ERC2: variants seen among roughly 807,000 people sequenced by gnomAD.
ERC2 encodes ELKS/RAB6-interacting/CAST family member 2.
Under a neutral mutation model 114.8 loss-of-function variants are expected in ERC2, and 42 were observed. That is an observed-to-expected ratio of 0.37 (90% CI 0.29 to 0.47). The LOEUF (loss-of-function observed/expected upper bound fraction) is 0.47, where lower values mean the gene tolerates loss of function less well. Ranked by LOEUF, ERC2 falls within the 20% of genes least tolerant of loss-of-function variation. The pLI is 0.99. For synonymous variants in ERC2, 454 were observed against 425.5 expected (o/e 1.07, Z -0.82); for missense variants, 939 against 1,150.7 (o/e 0.82, Z 2.66).
At chr3:56,320,530 C>T (rs1576421145) in intron 2 of ERC2, among the ~76,000 whole-genome samples, 1 of 152,142 alleles carries the variant, frequency 6.6e-6, no homozygotes, top group East Asian at 1.9e-4. Context: ...AAATTGAAAT[C>T]AGCCATAGTG....
chr3:56,199,742 C>T (rs1218515389), intron 3 of ERC2, among the ~76,000 whole-genome samples: 4 of 152,108 alleles, frequency 2.6e-5, no homozygotes, highest in Non-Finnish European at 5.9e-5. Flanking sequence ...CCCCTGGGCT[C>T]AAGTAATCCT....
At chr3:55,852,350 T>C (rs966868492) in intron 14 of ERC2, 1 of 154,458 alleles carries the variant, frequency 6.5e-6, no homozygotes, top group East Asian at 1.9e-4. Flanking sequence ...TTTTTATATG[T>C]AATACAAATC....
At chr3:55,586,625 A>G (rs574843626) in intron 17 of ERC2, among the ~76,000 whole-genome samples, 1 of 152,250 alleles carries the variant, frequency 6.6e-6, no homozygotes, top group Non-Finnish European at 1.5e-5. Context: ...CTAATGATCC[A>G]AACATTTTCA....
rs540554574 is a variant in ERC2, at chr3:55,643,632, A to G, written c.*39+40162T>C. Reference sequence around the variant, plus strand: ...GGTTATCATGAAGATTAAATGAGTTAATGCACATAAAACATTCAATAGAGT... The same window carrying G: ...GGTTATCATGAAGATTAAATGAGTTGATGCACATAAAACATTCAATAGAGT... On this transcript the variant is annotated intron_variant, in intron 17 of 17. Transcript: ENST00000288221. Among the ~76,000 whole-genome samples the G allele has an allele frequency of 1.7e-4, 26 of 152,342 alleles. 1 individual carries two copies. In the South Asian group the frequency reaches 5.0e-3, roughly 29 times the overall value.
At chr3:56,090,840 A>G (rs1010178475) in intron 6 of ERC2, among the ~76,000 whole-genome samples, 1 of 151,614 alleles carries the variant, frequency 6.6e-6, no homozygotes, top group Non-Finnish European at 1.5e-5. Flanking sequence ...GTAGACCTAG[A>G]AAAAAAACTG....
chr3:56,316,958 C>T (rs1030383923), intron 2 of ERC2, among the ~76,000 whole-genome samples: 1 of 152,188 alleles, frequency 6.6e-6, no homozygotes, highest in Non-Finnish European at 1.5e-5. Context: ...GACATTCACT[C>T]AACTCACTTT....
rs375893494 is a variant in ERC2, at chr3:56,240,141, ATCCTGTGCT to A, written c.1074+55869_1074+55877del. Among the ~76,000 whole-genome samples, 199 of 152,340 alleles carry A rather than the reference ATCCTGTGCT, an allele frequency of 1.3e-3. No individual in the cohort carries two copies. The East Asian group carries it at 0.019, about 15-fold the overall frequency. On this transcript the variant is annotated intron_variant, in intron 3 of 17. Transcript: ENST00000288221. ...CACATATTCTAACACCTGTTCTTAAATCCTGTGCTTCTAACAAAGGGAAAGTTATAAGTA... is the reference window on the plus strand; with the variant it reads ...CACATATTCTAACACCTGTTCTTAAATCTAACAAAGGGAAAGTTATAAGTA...
At chr3:55,857,395 AT>A (rs915260408) in intron 14 of ERC2, among the ~76,000 whole-genome samples, 14 of 151,812 alleles carry the variant, frequency 9.2e-5, no homozygotes, top group African/African-American at 3.1e-4. Context: ...TCCCTGTATC[AT>A]TTTTTTTAAT....
chr3:56,111,145 G>C (rs73091213), intron 6 of ERC2, among the ~76,000 whole-genome samples: 25,291 of 152,002 alleles, frequency 0.17, 2,268 homozygotes, highest in African/African-American at 0.21. Context: ...CCCTGAGGCT[G>C]TGTTCTATGA....
intron 3 of ERC2, 43 bp downstream of exon 3, chr3:56,295,976 C>T (rs776314434): frequency 6.6e-6 from 10 of 1,509,940 alleles, no homozygotes; most frequent in Non-Finnish European, 8.0e-6. Flanking sequence ...CATATTTTCA[C>T]TTATAAATTA....
chr3:55,618,517 T>C (rs1240670278), intron 17 of ERC2, among the ~76,000 whole-genome samples: 2 of 152,226 alleles, frequency 1.3e-5, no homozygotes, highest in East Asian at 1.9e-4. Flanking sequence ...TCCGTTACTA[T>C]AAAAATGATT....
At chr3:56,075,040 C>G (rs750378432) in intron 7 of ERC2, among the ~76,000 whole-genome samples, 4 of 152,150 alleles carry the variant, frequency 2.6e-5, no homozygotes, top group Non-Finnish European at 4.4e-5. Flanking sequence ...GAGAGGAAAG[C>G]CAACATTCAC....
rs756435726 is a variant in ERC2 at position 56,434,338 on chromosome 3, A to G, written c.657+13T>C. ...GCCAAGGCTGAAAAATACTGAGATG[A>G]GTCATGACCTACCTGATTTTCTTCA... On this transcript the variant is annotated intron_variant, in intron 2 of 17. Coordinates refer to ENST00000288221, the MANE Select transcript of ERC2 (RefSeq NM_015576.3). 24 of 1,607,850 alleles carry G rather than the reference A, an allele frequency of 1.5e-5. No homozygotes were observed. The highest frequency in any genetic ancestry group is 1.7e-4 in the Middle Eastern group (1 of 6,058).
At chr3:55,760,542 A>T (rs968411125) in intron 14 of ERC2, among the ~76,000 whole-genome samples, 1 of 152,204 alleles carries the variant, frequency 6.6e-6, no homozygotes, top group African/African-American at 2.4e-5. Flanking sequence ...TCACATATAC[A>T]TTGGTGAGAA....
intron 13 of ERC2, among the ~76,000 whole-genome samples, chr3:55,901,480 G>A (rs1195598312): frequency 6.6e-6 from 1 of 152,152 alleles, no homozygotes; most frequent in African/African-American, 2.4e-5. Context: ...ACCTTGTCAT[G>A]TCCAGCTCAT....
chr3:55,657,763 G>A (rs538177385), intron 17 of ERC2: 1 of 152,246 alleles, frequency 6.6e-6, no homozygotes, highest in East Asian at 1.9e-4. Context: ...CCCACCCCTG[G>A]ATGTATTTCT....
At chr3:56,365,657 T>A (rs4974207) in intron 2 of ERC2, among the ~76,000 whole-genome samples, 144,851 of 152,340 alleles carry the variant, frequency 0.95, 68,991 homozygotes, top group East Asian at 1. Context: ...AACACAATAG[T>A]ATGTTATTTC....
chr3:55,935,443 G>A (rs926217018), intron 13 of ERC2, among the ~76,000 whole-genome samples: 2 of 152,220 alleles, frequency 1.3e-5, no homozygotes, highest in African/African-American at 2.4e-5. Context: ...CACACAGCAG[G>A]TGACCACTGT....
At chr3:56,179,978 A>G (rs2150041127) in intron 3 of ERC2, among the ~76,000 whole-genome samples, 1 of 152,186 alleles carries the variant, frequency 6.6e-6, no homozygotes. Flanking sequence ...AGTATTGAGG[A>G]CAGGGGTACT....
Sources: allele counts gnomAD v4.1 joint callset (sites outside exome capture counted in the v4.1 genomes callset), GRCh38; gene constraint gnomAD v4.1.1; transcripts MANE v1.5; gene names NCBI Gene and HGNC (gene_info 2026-07-23, HGNC 2026-07-21).